Variants in ABL2 observed in about 807,000 individuals in gnomAD.
The protein encoded by ABL2 is ABL proto-oncogene 2, non-receptor tyrosine kinase.
In ABL2, 49 loss-of-function variants were observed where a neutral mutation model predicts 107.7. That is an observed-to-expected ratio of 0.45 (90% CI 0.36 to 0.58). ABL2 has a LOEUF of 0.58. Ranked by LOEUF, ABL2 falls within the 20% of genes least tolerant of loss-of-function variation. The pLI is 0.00. For missense variants in ABL2, 1,245 were observed against 1,457.0 expected (o/e 0.85, Z 2.37); for synonymous variants, 549 against 548.6 (o/e 1.00, Z -0.01).
At chr1:179,204,274 G>A (rs1336772568) in intron 1 of ABL2, among the ~76,000 whole-genome samples, 9 of 151,664 alleles carry the variant, frequency 5.9e-5, no homozygotes, top group Non-Finnish European at 1.3e-4. Flanking sequence ...TGATCCACCC[G>A]CCTCTGCCTC....
At chr1:179,118,490 T>G in intron 7 of ABL2, 97 bp downstream of exon 7, 1 of 1,253,254 alleles carries the variant, frequency 8.0e-7, no homozygotes, top group South Asian at 1.4e-5. Context: ...CTTTCTTGAA[T>G]CATCTGAAAT....
At chr1:179,185,968 G>A (rs756518020) in intron 1 of ABL2, among the ~76,000 whole-genome samples, 17 of 152,052 alleles carry the variant, frequency 1.1e-4, no homozygotes, top group Non-Finnish European at 1.8e-4. Flanking sequence ...GCAATGGGCC[G>A]GGCGCAGTGG....
At chr1:179,186,000 T>C (rs1333757898) in intron 1 of ABL2, among the ~76,000 whole-genome samples, 1 of 151,998 alleles carries the variant, frequency 6.6e-6, no homozygotes, top group Non-Finnish European at 1.5e-5. Context: ...ATCCCAGCAC[T>C]CTGGGAGGCC....
chr1:179,188,048 C>T (rs1660773743), intron 1 of ABL2, among the ~76,000 whole-genome samples: 1 of 152,228 alleles, frequency 6.6e-6, no homozygotes, highest in African/African-American at 2.4e-5. Context: ...TCTCCTTCAG[C>T]CTTCTTCTCC....
intron 1 of ABL2, among the ~76,000 whole-genome samples, chr1:179,200,758 C>T (rs1014386804): frequency 5.3e-5 from 8 of 152,196 alleles, no homozygotes; most frequent in African/African-American, 1.9e-4. Context: ...CATAGTTGTA[C>T]TCATGGCCGT....
chr1:179,154,267 C>T (rs1456017402), intron 1 of ABL2, among the ~76,000 whole-genome samples: 4 of 152,164 alleles, frequency 2.6e-5, no homozygotes, highest in Non-Finnish European at 4.4e-5. Flanking sequence ...GAAATTTATT[C>T]CAATGAGTTT....
intron 1 of ABL2, among the ~76,000 whole-genome samples, chr1:179,166,406 A>G (rs1659383921): frequency 6.6e-6 from 1 of 151,948 alleles, no homozygotes; most frequent in Non-Finnish European, 1.5e-5. Flanking sequence ...AAAAAAAAAA[A>G]AAAAAGAAAA....
chr1:179,229,344 C>T lies in ABL2; in HGVS notation c.54G>A (p.Gln18=), dbSNP rs1214159990. ...VGEAPGLQQP[Q]PRGIRGSSAA... ...CACTGCTGCCCCGGATCCCGCGGGG[C>T]TGAGGCTGCTGGAGCCCCGGAGCTT... The change falls in exon 1 of 12, where the codon CAG becomes CAA. Residue 18 remains glutamine (Q), a synonymous_variant. Coordinates refer to ENST00000502732, the MANE Select transcript of ABL2 (RefSeq NM_007314.4). 2 of 1,583,988 alleles carry T rather than the reference C, an allele frequency of 1.3e-6. No homozygotes were observed. The highest frequency in any genetic ancestry group is 2.4e-5 in the East Asian group (1 of 42,388).
At chr1:179,146,645 G>A (rs1658005041) in intron 1 of ABL2, among the ~76,000 whole-genome samples, 1 of 152,036 alleles carries the variant, frequency 6.6e-6, no homozygotes, top group African/African-American at 2.4e-5. Flanking sequence ...ATCGGATCAT[G>A]GAGGCATTTT....
At chr1:179,136,399 G>T (rs565917443) in intron 1 of ABL2, among the ~76,000 whole-genome samples, 5 of 152,124 alleles carry the variant, frequency 3.3e-5, no homozygotes, top group Non-Finnish European at 5.9e-5. Flanking sequence ...CCTGTTGATC[G>T]GTGACCTTAC....
chr1:179,135,248 C>A (rs970418352), intron 1 of ABL2, among the ~76,000 whole-genome samples: 68 of 150,968 alleles, frequency 4.5e-4, no homozygotes, highest in African/African-American at 1.5e-3. Context: ...AAGTGAGGAG[C>A]ATCTCTGCCC....
At chr1:179,113,755 C>T (rs1417202130) in intron 9 of ABL2, among the ~76,000 whole-genome samples, 7 of 151,684 alleles carry the variant, frequency 4.6e-5, no homozygotes, top group Non-Finnish European at 8.8e-5. Flanking sequence ...GGTGAAACCC[C>T]GTCTCTACTA....
intron 1 of ABL2, among the ~76,000 whole-genome samples, chr1:179,143,676 T>G (rs1657780282): frequency 6.6e-6 from 1 of 152,200 alleles, no homozygotes; most frequent in African/African-American, 2.4e-5. Flanking sequence ...TGTTAAAAGT[T>G]TATTTACTTA....
At chr1:179,144,292 CTACAAAAAA>C (rs1476180883) in intron 1 of ABL2, among the ~76,000 whole-genome samples, 1 of 151,772 alleles carries the variant, frequency 6.6e-6, no homozygotes, top group Non-Finnish European at 1.5e-5. Context: ...AACCCCACCT[CTACAAAAAA>C]TACAAAAAAT....
At position 179,108,973 on chromosome 1, in the gene ABL2, G is replaced by A; in HGVS notation, c.2294C>T (p.Ala765Val). 6.2e-7 allele frequency: 1 copy of A among 1,614,148 alleles called. No homozygotes were observed. Among genetic ancestry groups the A allele is most frequent in the South Asian group, 1.1e-5 (1 of 91,084 alleles). The change falls in exon 12 of 12, where the codon GCA (alanine) becomes GTA (valine). Residue 765 changes from alanine to valine, a missense_variant. Ala to Val is a moderately conservative substitution (Grantham distance 64). Coordinates refer to ENST00000502732, the MANE Select transcript of ABL2 (RefSeq NM_007314.4). ...RLIKKTLGLR[A>V]GKPTASDDTS... ...GTCATCACTGGCTGTGGGTTTACCT[G>A]CTCGTAAGCCCAGTGTCTTTTTGAT...
At chr1:179,138,917 C>A (rs908661054) in intron 1 of ABL2, among the ~76,000 whole-genome samples, 2 of 152,194 alleles carry the variant, frequency 1.3e-5, no homozygotes, top group Admixed American at 6.5e-5. Flanking sequence ...GTGGGCTTGG[C>A]GGGCCCCGCA....
intron 1 of ABL2, among the ~76,000 whole-genome samples, chr1:179,185,364 C>A (rs918436794): frequency 1.3e-5 from 2 of 152,068 alleles, no homozygotes; most frequent in African/African-American, 4.8e-5. Flanking sequence ...TTGAGCCCTG[C>A]CACTCAATGG....
At chr1:179,148,710 G>A (rs943151206) in intron 1 of ABL2, among the ~76,000 whole-genome samples, 14 of 152,010 alleles carry the variant, frequency 9.2e-5, no homozygotes, top group Admixed American at 6.6e-4. Flanking sequence ...GACCAGCCTC[G>A]CCAACATGGT....
At chr1:179,224,939 T>C (rs988036132) in intron 1 of ABL2, among the ~76,000 whole-genome samples, 5 of 152,000 alleles carry the variant, frequency 3.3e-5, no homozygotes, top group African/African-American at 9.7e-5. Context: ...GGCAGGAGGA[T>C]TGCTTGAGTC....
Sources: gnomAD v4.1 joint callset for allele counts (sites outside exome capture counted in the v4.1 genomes callset) on GRCh38, gnomAD v4.1.1 for gene constraint, MANE v1.5 for transcripts, NCBI Gene and HGNC (gene_info 2026-07-23, HGNC 2026-07-21) for gene names.